SEMA3A: variants seen among roughly 807,000 people sequenced by gnomAD.
SEMA3A encodes the protein semaphorin-3A.
Under a neutral mutation model 97.9 loss-of-function variants are expected in SEMA3A, and 29 were observed. That is an observed-to-expected ratio of 0.30 (90% CI 0.22 to 0.40). The LOEUF (loss-of-function observed/expected upper bound fraction) is 0.40. Among genes scored for constraint, SEMA3A ranks in the 10% least tolerant of loss-of-function variants. The probability of loss-of-function intolerance (pLI) is 1.00; values close to 1 mark genes in which losing one functional copy is unlikely to be tolerated. For missense variants in SEMA3A, 763 were observed against 951.3 expected, an observed-to-expected ratio of 0.80 and a Z score of 2.60; for synonymous variants, 321 against 323.7, an observed-to-expected ratio of 0.99 and a Z score of 0.09.
chr7:84,408,543 C>G (rs920316832), intron 1 of SEMA3A, among the ~76,000 whole-genome samples: 16 of 152,060 alleles, frequency 1.1e-4, no homozygotes, highest in African/African-American at 2.7e-4. Context: ...CCATTACTGG[C>G]TATATACCCA....
At chr7:84,129,980 C>G (rs903840319) in intron 2 of SEMA3A, among the ~76,000 whole-genome samples, 11 of 151,990 alleles carry the variant, frequency 7.2e-5, no homozygotes, top group African/African-American at 2.7e-4. Context: ...GCTTGGAGGA[C>G]AGTGGATTCA....
chr7:84,151,701 T>C (rs34443324), intron 1 of SEMA3A, among the ~76,000 whole-genome samples: 30,165 of 151,960 alleles, frequency 0.2, 3,123 homozygotes, highest in South Asian at 0.27. Flanking sequence ...AAATGGGATC[T>C]CATTAAACTA....
chr7:84,009,547 T>C (rs1228165804), intron 9 of SEMA3A, among the ~76,000 whole-genome samples: 1 of 152,204 alleles, frequency 6.6e-6, no homozygotes, highest in Non-Finnish European at 1.5e-5. Flanking sequence ...TTCCTGACTT[T>C]CGATTTTTAA....
intron 1 of SEMA3A, among the ~76,000 whole-genome samples, chr7:84,136,463 C>T (rs1796127527): frequency 6.6e-6 from 1 of 152,188 alleles, no homozygotes; most frequent in African/African-American, 2.4e-5. Flanking sequence ...TGTCCTCTAT[C>T]ATGCGGGAAA....
chr7:84,035,227 T>C (rs1235768697), intron 6 of SEMA3A, among the ~76,000 whole-genome samples: 2 of 152,096 alleles, frequency 1.3e-5, no homozygotes, highest in Non-Finnish European at 1.5e-5. Context: ...ATGAAAATGC[T>C]TAGAGATTTT....
At chr7:84,008,655 A>G (rs1306860085) in intron 9 of SEMA3A, among the ~76,000 whole-genome samples, 1 of 152,156 alleles carries the variant, frequency 6.6e-6, no homozygotes, top group Non-Finnish European at 1.5e-5. Context: ...TTACATATAA[A>G]TCAGACCAAA....
intron 3 of SEMA3A, among the ~76,000 whole-genome samples, chr7:84,205,804 CTGT>C (rs1294927191): frequency 6.6e-6 from 1 of 152,168 alleles, no homozygotes; most frequent in Non-Finnish European, 1.5e-5. Context: ...CTCAAAAATA[CTGT>C]TTCAAATGTA....
intron 1 of SEMA3A, among the ~76,000 whole-genome samples, chr7:84,457,620 C>T (rs1449563318): frequency 3.3e-5 from 5 of 151,884 alleles, no homozygotes; most frequent in Admixed American, 6.6e-5. Flanking sequence ...GATTAAAAAA[C>T]ATAATATCAA....
At chr7:84,476,926 G>A (rs2116423475) in intron 1 of SEMA3A, among the ~76,000 whole-genome samples, 1 of 151,670 alleles carries the variant, frequency 6.6e-6, no homozygotes, top group South Asian at 2.1e-4. Flanking sequence ...ATAACATTTT[G>A]ATCAGTTTTC....
At chr7:84,482,081 A>G (rs1467570359) in intron 1 of SEMA3A, among the ~76,000 whole-genome samples, 3 of 151,826 alleles carry the variant, frequency 2.0e-5, no homozygotes, top group Non-Finnish European at 4.4e-5. Context: ...AAATGAAATT[A>G]TATATATAGG....
rs1795398895 is a variant in SEMA3A, at chr7:84,115,576, T to C, written c.334-4987A>G. On this transcript the variant is annotated intron_variant, in intron 3 of 16. Coordinates refer to ENST00000265362, the MANE Select transcript of SEMA3A (RefSeq NM_006080.3). The stretch of plus-strand genomic sequence containing the variant: ...GGACCATAGAAGCTTATGATATCTA[T>C]TTTTAGGCTTATGTTTTCTTTTATA... Among the ~76,000 whole-genome samples the C allele has an allele frequency of 2.0e-5, 3 of 152,152 alleles. No homozygotes were observed. In the South Asian group the frequency reaches 6.2e-4, roughly 31 times the overall value.
intron 3 of SEMA3A, among the ~76,000 whole-genome samples, chr7:84,275,528 C>G (rs1800272679): frequency 6.6e-6 from 1 of 151,892 alleles, no homozygotes; most frequent in Non-Finnish European, 1.5e-5. Flanking sequence ...CTGTGCTTCT[C>G]TGATATGTAC....
intron 4 of SEMA3A, among the ~76,000 whole-genome samples, chr7:84,085,818 A>G (rs1794317514): frequency 6.6e-6 from 1 of 152,150 alleles, no homozygotes; most frequent in African/African-American, 2.4e-5. Context: ...GAAAAGATGC[A>G]TATGCATGGG....
At chr7:84,311,472 A>C (rs1489783014) in intron 2 of SEMA3A, among the ~76,000 whole-genome samples, 2 of 151,924 alleles carry the variant, frequency 1.3e-5, no homozygotes, top group African/African-American at 4.8e-5. Flanking sequence ...ATATATAATG[A>C]ATGCTTAGCA....
At chr7:84,285,970 CAAAAAAA>C (rs564063430) in intron 3 of SEMA3A, among the ~76,000 whole-genome samples, 1 of 70,156 alleles carries the variant, frequency 1.4e-5, no homozygotes, top group African/African-American at 4.5e-5. Flanking sequence ...GACCCCATCT[CAAAAAAA>C]AAAAAAAAAA....
At chr7:84,003,762 G>C (rs1036986991) in intron 11 of SEMA3A, among the ~76,000 whole-genome samples, 3 of 152,056 alleles carry the variant, frequency 2.0e-5, no homozygotes, top group African/African-American at 7.2e-5. Flanking sequence ...ATTATAATTT[G>C]ATGTTAAATG....
intron 15 of SEMA3A, among the ~76,000 whole-genome samples, chr7:83,965,871 G>A (rs1788675897): frequency 6.7e-6 from 1 of 149,534 alleles, no homozygotes; most frequent in African/African-American, 2.5e-5. Flanking sequence ...AATAGAGGCA[G>A]GGTTTCAACG....
chr7:84,027,583 C>G (rs1791593890), intron 6 of SEMA3A, among the ~76,000 whole-genome samples: 1 of 152,096 alleles, frequency 6.6e-6, no homozygotes, highest in African/African-American at 2.4e-5. Flanking sequence ...TGAATCCTCT[C>G]TAGTTCCTAA....
At chr7:84,352,960 T>C (rs552429954) in intron 2 of SEMA3A, among the ~76,000 whole-genome samples, 305 of 151,962 alleles carry the variant, frequency 2.0e-3, no homozygotes, top group Non-Finnish European at 3.6e-3. Context: ...ACTAACTATT[T>C]ACAGTCATCC....
Sources: gnomAD v4.1 joint callset for allele counts (sites outside exome capture counted in the v4.1 genomes callset) on GRCh38, gnomAD v4.1.1 for gene constraint, MANE v1.5 for transcripts, NCBI Gene and HGNC (gene_info 2026-07-23, HGNC 2026-07-21) for gene names.